ACBD6: variants seen among roughly 807,000 people sequenced by gnomAD.
ACBD6 encodes the protein acyl-CoA binding domain containing 6.
ACBD6 carries 28 observed loss-of-function variants against 37.2 expected under a neutral mutation model. The ratio of observed to expected loss-of-function variants is 0.75; its 90% confidence interval spans 0.56 to 1.03. The LOEUF (loss-of-function observed/expected upper bound fraction) is 1.03. Ranked by LOEUF, ACBD6 falls within the 50% of genes least tolerant of loss-of-function variation. The pLI is 0.00. For synonymous variants in ACBD6, 113 were observed against 126.8 expected (o/e 0.89, Z 0.73); for missense variants, 340 against 337.4 (o/e 1.01, Z -0.06).
At chr1:180,403,668 C>A (rs185806433) in intron 5 of ACBD6, among the ~76,000 whole-genome samples, 1 of 152,216 alleles carries the variant, frequency 6.6e-6, no homozygotes, top group Non-Finnish European at 1.5e-5. Flanking sequence ...AAGGTAAGAG[C>A]AAACCAAGGT....
chr1:180,489,075 A>C (rs1651387837), intron 3 of ACBD6, among the ~76,000 whole-genome samples: 1 of 152,156 alleles, frequency 6.6e-6, no homozygotes, highest in Non-Finnish European at 1.5e-5. Context: ...CTGAGGCAGA[A>C]GAATTGTTTG....
At chr1:180,419,562 G>A (rs1021991913) in intron 4 of ACBD6, among the ~76,000 whole-genome samples, 9 of 152,082 alleles carry the variant, frequency 5.9e-5, no homozygotes, top group Non-Finnish European at 5.9e-5. Flanking sequence ...GGGGGGCACC[G>A]ACCCCCTGCA....
intron 6 of ACBD6, among the ~76,000 whole-genome samples, chr1:180,396,479 A>G (rs961154088): frequency 6.6e-6 from 1 of 152,152 alleles, no homozygotes; most frequent in African/African-American, 2.4e-5. Flanking sequence ...CCTGTGCATC[A>G]AAAGACACCA....
At chr1:180,495,924 A>G (rs1460908932) in intron 1 of ACBD6, among the ~76,000 whole-genome samples, 1 of 152,194 alleles carries the variant, frequency 6.6e-6, no homozygotes, top group East Asian at 1.9e-4. Flanking sequence ...ATCAGAATTC[A>G]TAACACTGTT....
chr1:180,346,696 AGT>A (rs1445800540), intron 6 of ACBD6, among the ~76,000 whole-genome samples: 1 of 152,162 alleles, frequency 6.6e-6, no homozygotes, highest in Non-Finnish European at 1.5e-5. Flanking sequence ...AGAAAACAAA[AGT>A]GTGTTAAGTT....
downstream of ACBD6, chr1:180,288,162 C>T (rs561073172): frequency 1.4e-4 from 91 of 645,048 alleles, no homozygotes; most frequent in South Asian, 1.6e-3. Context: ...GCACAGTACA[C>T]ATGTTCATCA....
intron 10 of ACBD6, chr1:180,274,153 C>T: frequency 1.2e-6 from 2 of 1,613,876 alleles, no homozygotes; most frequent in Non-Finnish European, 1.7e-6. Context: ...GTCCTGGCAG[C>T]TGACAATAAA....
intron 6 of ACBD6, among the ~76,000 whole-genome samples, chr1:180,387,915 C>CGGTGG (rs1653905477): frequency 6.6e-6 from 1 of 152,092 alleles, no homozygotes. Flanking sequence ...GTGGCTCACA[C>CGGTGG]CTGTAATCCC....
chr1:180,439,132 G>A (rs999210157), intron 3 of ACBD6, among the ~76,000 whole-genome samples: 3 of 152,000 alleles, frequency 2.0e-5, no homozygotes, highest in South Asian at 4.2e-4. Flanking sequence ...TTAAATTATT[G>A]TAAACATAAA....
At chr1:180,365,009 G>A (rs907414564) in intron 6 of ACBD6, among the ~76,000 whole-genome samples, 7 of 152,052 alleles carry the variant, frequency 4.6e-5, no homozygotes, top group African/African-American at 9.6e-5. Context: ...CTGGGATTAC[G>A]GGCATGAGCC....
intron 6 of ACBD6, among the ~76,000 whole-genome samples, chr1:180,383,746 C>A (rs1029644646): frequency 4.6e-5 from 7 of 152,112 alleles, no homozygotes; most frequent in African/African-American, 1.7e-4. Flanking sequence ...AAGCTGGAGG[C>A]ATCACACTGT....
chr1:180,353,538 G>A (rs1652500078), intron 6 of ACBD6, among the ~76,000 whole-genome samples: 1 of 151,974 alleles, frequency 6.6e-6, no homozygotes, highest in South Asian at 2.1e-4. Flanking sequence ...TTGCTAGGCT[G>A]CAAAAGATGT....
intron 4 of ACBD6, 35 bp downstream of exon 4, chr1:180,430,145 A>G (rs2101997021): frequency 6.5e-7 from 1 of 1,542,988 alleles, no homozygotes; most frequent in Non-Finnish European, 9.0e-7. Context: ...ACAGGCATAT[A>G]TATTTCTATT....
intron 6 of ACBD6, among the ~76,000 whole-genome samples, chr1:180,390,726 G>T (rs1469254598): frequency 2.0e-5 from 3 of 152,112 alleles, no homozygotes; most frequent in Admixed American, 2.0e-4. Flanking sequence ...CACGTCCCTT[G>T]TAAGTTGTAT....
At chr1:180,286,013 C>T (rs538793176), downstream of ACBD6, among the ~76,000 whole-genome samples, 34 of 152,168 alleles carry the variant, frequency 2.2e-4, no homozygotes, top group Middle Eastern at 3.4e-3. Context: ...TTCAAGATAT[C>T]TCATGTAGTA....
At chr1:180,331,806 G>A (rs1302494778) in intron 6 of ACBD6, among the ~76,000 whole-genome samples, 3 of 152,072 alleles carry the variant, frequency 2.0e-5, no homozygotes, top group African/African-American at 7.2e-5. Context: ...GTTAATAAAT[G>A]GTATGTCATT....
At chr1:180,397,745 TGGAAAAAGC>T in intron 5 of ACBD6, 140 bp from the exon 6 acceptor site, 1 of 784,218 alleles carries the variant, frequency 1.3e-6, no homozygotes, top group Non-Finnish European at 2.2e-6. Context: ...AAATGCACTA[TGGAAAAAGC>T]AATAAACAAT....
At chr1:180,487,008 T>A (rs1387490351) in intron 3 of ACBD6, among the ~76,000 whole-genome samples, 1 of 151,014 alleles carries the variant, frequency 6.6e-6, no homozygotes, top group Non-Finnish European at 1.5e-5. Context: ...AAAAGTATCA[T>A]GGGCAAGAAA....
chr1:180,329,360 G>A (rs1007947123), intron 6 of ACBD6, among the ~76,000 whole-genome samples: 1 of 152,104 alleles, frequency 6.6e-6, no homozygotes, highest in African/African-American at 2.4e-5. Context: ...CTTTTCCTCA[G>A]CCATAGGATA....
Sources: allele counts gnomAD v4.1 joint callset (sites outside exome capture counted in the v4.1 genomes callset), GRCh38; gene constraint gnomAD v4.1.1; transcripts MANE v1.5; gene names NCBI Gene and HGNC (gene_info 2026-07-23, HGNC 2026-07-21).